The following ITGA6 variants were observed in gnomAD, a reference collection of about 807,000 sequenced individuals.
ITGA6 encodes the protein integrin alpha-6.
Under a neutral mutation model 133.6 loss-of-function variants are expected in ITGA6, and 63 were observed. The ratio of observed to expected loss-of-function variants is 0.47; its 90% confidence interval spans 0.38 to 0.58. The LOEUF (loss-of-function observed/expected upper bound fraction) is 0.58, where lower values mean the gene tolerates loss of function less well. Among genes scored for constraint, ITGA6 ranks in the 20% least tolerant of loss-of-function variants. The pLI is 0.00. For synonymous variants in ITGA6, 434 were observed against 482.0 expected, an observed-to-expected ratio of 0.90 and a Z score of 1.30; for missense variants, 1,068 against 1,309.4, an observed-to-expected ratio of 0.82 and a Z score of 2.85.
intron 9 of ITGA6, among the ~76,000 whole-genome samples, chr2:172,477,568 T>C (rs540300668): frequency 2.0e-5 from 3 of 152,224 alleles, no homozygotes; most frequent in Non-Finnish European, 4.4e-5. Flanking sequence ...GTCAATACAA[T>C]AGATGACTTA....
chr2:172,456,216 G>GA (rs1439004504), intron 1 of ITGA6, among the ~76,000 whole-genome samples: 5 of 152,230 alleles, frequency 3.3e-5, no homozygotes, highest in Non-Finnish European at 5.9e-5. Flanking sequence ...CGGGAAAGGA[G>GA]AGGGACTCTT....
At chr2:172,453,591 A>G (rs188301554) in intron 1 of ITGA6, among the ~76,000 whole-genome samples, 6 of 152,334 alleles carry the variant, frequency 3.9e-5, no homozygotes, top group South Asian at 2.1e-4. Flanking sequence ...AGAGCCTTCG[A>G]AGGAGCATGT....
chr2:172,465,893 A>G (rs1007398471), intron 2 of ITGA6: 9 of 633,408 alleles, frequency 1.4e-5, no homozygotes, highest in Admixed American at 9.9e-5. Flanking sequence ...CTAAACCGAT[A>G]TGGTGTAGGG....
intron 1 of ITGA6, among the ~76,000 whole-genome samples, chr2:172,462,111 G>T (rs1685449696): frequency 6.6e-6 from 1 of 152,208 alleles, no homozygotes; most frequent in South Asian, 2.1e-4. Context: ...TGTGGTTGGG[G>T]TTACTGTGTT....
intron 1 of ITGA6, among the ~76,000 whole-genome samples, chr2:172,442,670 T>C (rs1016689156): frequency 6.6e-6 from 1 of 152,188 alleles, no homozygotes; most frequent in Non-Finnish European, 1.5e-5. Flanking sequence ...TCACTCTTCA[T>C]TGTAATGCCC....
At chr2:172,467,042 G>A (rs973302797) in intron 2 of ITGA6, among the ~76,000 whole-genome samples, 1 of 152,102 alleles carries the variant, frequency 6.6e-6, no homozygotes, top group African/African-American at 2.4e-5. Context: ...ATTTAATGCT[G>A]TTAAATAAAA....
chr2:172,449,282 G>T (rs538671534), intron 1 of ITGA6, among the ~76,000 whole-genome samples: 2 of 152,326 alleles, frequency 1.3e-5, no homozygotes, highest in South Asian at 4.1e-4. Context: ...TTGAATAAAA[G>T]TATATGTGAA....
At chr2:172,461,951 T>C (rs929855712) in intron 1 of ITGA6, among the ~76,000 whole-genome samples, 10 of 152,322 alleles carry the variant, frequency 6.6e-5, no homozygotes, top group South Asian at 4.1e-4. Context: ...ATTTACCTTA[T>C]TTATTGTTCC....
chr2:172,482,806 C>G (rs1253769571), intron 11 of ITGA6, among the ~76,000 whole-genome samples: 11 of 152,220 alleles, frequency 7.2e-5, no homozygotes, highest in Non-Finnish European at 1.6e-4. Flanking sequence ...ACTATTGAAA[C>G]TGTCAGTGTT....
intron 1 of ITGA6, among the ~76,000 whole-genome samples, chr2:172,455,287 TCA>T (rs1685166184): frequency 6.6e-6 from 1 of 152,192 alleles, no homozygotes; most frequent in Non-Finnish European, 1.5e-5. Context: ...GCTTTGCTGC[TCA>T]CAGAGCAGTG....
At chr2:172,448,599 A>T (rs990450997) in intron 1 of ITGA6, among the ~76,000 whole-genome samples, 1 of 152,236 alleles carries the variant, frequency 6.6e-6, no homozygotes, top group Non-Finnish European at 1.5e-5. Flanking sequence ...CTCCTTTGAA[A>T]GTAGGCTATG....
At position 172,474,945 on chromosome 2, in the gene ITGA6, AT is replaced by A; in HGVS notation, c.1005del (p.Ile335MetfsTer21). 1 of 1,564,596 alleles carries A rather than the reference AT, an allele frequency of 6.4e-7. No individual in the cohort carries two copies. The highest frequency in any genetic ancestry group is 8.8e-7 in the Non-Finnish European group (1 of 1,134,968). On this transcript the variant is annotated frameshift_variant, in exon 7 of 26. Coordinates refer to ENST00000684293, the MANE Select transcript of ITGA6 (RefSeq NM_000210.4). LOFTEE classifies it high-confidence loss of function. ...TGTTTTTAGGTGGCAAGATATAGTT[AT>A]TGGAGCCCCACAGTATTTTGATAGA... is the stretch of plus-strand genomic sequence containing the variant. ...LNKDGWQDIVIGAPQYFDRDG... is the reference protein window; with the variant it reads ...LNKDGWQDIVXGAPQYFDRDG...
At chr2:172,492,472 A>G (rs78353037) in intron 23 of ITGA6, among the ~76,000 whole-genome samples, 5 of 152,292 alleles carry the variant, frequency 3.3e-5, no homozygotes, top group Admixed American at 3.3e-4. Context: ...TTGCAAAGTA[A>G]TTCTGAATCT....
In ITGA6 at chr2:172,467,795, T is replaced by C. The variant is rs143515232; in HGVS notation, c.387+235T>C. ...TGAGGTCAGGGGTTTGAGACCAGCC[T>C]GACCAATATGATGAAACCCCATCTC... On this transcript the variant is annotated intron_variant, in intron 3 of 25. Coordinates refer to ENST00000684293, the MANE Select transcript of ITGA6 (RefSeq NM_000210.4). Among the ~76,000 whole-genome samples the C allele has an allele frequency of 0.024, 3,620 of 152,226 alleles. 145 individuals are homozygous for C. Among genetic ancestry groups the C allele is most frequent in the African/African-American group, 0.082 (3,409 of 41,522 alleles).
rs1382567700 is a variant in ITGA6, at chr2:172,467,577, A to G, written c.387+17A>G. ...AAGGTCGTGGTAAGTGTAGAGACAC[A>G]TGTTCATCCTATACTGTTGGACTGC... On this transcript the variant is annotated intron_variant, in intron 3 of 25. Transcript: ENST00000684293. 1.3e-6 allele frequency: 2 copies of G among 1,594,186 alleles called. No individual in the cohort carries two copies. Among genetic ancestry groups the G allele is most frequent in the Non-Finnish European group, 8.6e-7 (1 of 1,162,208 alleles).
chr2:172,502,067 C>T (rs548998639), intron 25 of ITGA6, among the ~76,000 whole-genome samples, 166 bp downstream of exon 25: 2 of 152,134 alleles, frequency 1.3e-5, no homozygotes, highest in South Asian at 2.1e-4. Context: ...CACTTGAAAG[C>T]TCAGTTTTTG....
chr2:172,487,882 T>A, intron 17 of ITGA6, 75 bp downstream of exon 17: 1 of 1,486,642 alleles, frequency 6.7e-7, no homozygotes. Context: ...GGCCCTGATC[T>A]ACCTCATAAA....
intron 12 of ITGA6, 25 bp downstream of exon 12, chr2:172,484,967 T>A: frequency 6.2e-7 from 1 of 1,612,894 alleles, no homozygotes; most frequent in Non-Finnish European, 8.5e-7. Flanking sequence ...TGGTCACATC[T>A]GTTTTATGAA....
Position 172,465,546 on chromosome 2 carries a change from G to T in ITGA6, c.190G>T (p.Val64Leu). Residue 64 changes from valine (V) to leucine (L), a missense_variant, in exon 2 of 26, where the codon GTG becomes TTG. Val to Leu is a conservative substitution (Grantham distance 32, BLOSUM62 1). Transcript: ENST00000684293. Reference sequence around the variant, plus strand: ...TCTCTGTTTCATCAACAGGTTGCTCGTGGGGGCCCCGCGGGCAGAAGCGCT... The same window carrying T: ...TCTCTGTTTCATCAACAGGTTGCTCTTGGGGGCCCCGCGGGCAGAAGCGCT... ...LQPEDKRLLL[V>L]GAPRAEALPL... The T allele has an allele frequency of 6.2e-7, 1 of 1,614,206 alleles. No homozygotes were observed. The highest frequency in any genetic ancestry group is 8.5e-7 in the Non-Finnish European group (1 of 1,180,038).
Sources: gnomAD v4.1 joint callset for allele counts (sites outside exome capture counted in the v4.1 genomes callset) on GRCh38, gnomAD v4.1.1 for gene constraint, MANE v1.5 for transcripts, NCBI Gene and HGNC (gene_info 2026-07-23, HGNC 2026-07-21) for gene names.